Variants in SOX6 observed in about 807,000 individuals in gnomAD.
The protein encoded by SOX6 is transcription factor SOX-6.
SOX6 carries 11 observed loss-of-function variants against 97.8 expected under a neutral mutation model. The ratio of observed to expected loss-of-function variants is 0.11; its 90% confidence interval spans 0.07 to 0.19. The LOEUF is 0.19. Ranked by LOEUF, SOX6 falls within the 10% of genes least tolerant of loss-of-function variation. The pLI is 1.00. For missense variants in SOX6, 810 were observed against 1,039.5 expected (o/e 0.78, Z 3.04); for synonymous variants, 360 against 371.4 (o/e 0.97, Z 0.35).
At chr11:16,351,072 C>T (rs1856935782) in intron 1 of SOX6, among the ~76,000 whole-genome samples, 1 of 152,128 alleles carries the variant, frequency 6.6e-6, no homozygotes, top group Admixed American at 6.6e-5. Flanking sequence ...ATCCCCAACA[C>T]TAAACTCTCT....
chr11:16,027,810 G>T (rs1343442235), intron 12 of SOX6, among the ~76,000 whole-genome samples: 2 of 152,230 alleles, frequency 1.3e-5, no homozygotes, highest in East Asian at 3.8e-4. Context: ...GATTTAATTA[G>T]AAGAGAACTG....
chr11:16,688,599 A>G (rs1374129550), intron 3 of SOX6, among the ~76,000 whole-genome samples: 1 of 152,118 alleles, frequency 6.6e-6, no homozygotes, highest in Non-Finnish European at 1.5e-5. Context: ...TGTAGTTTTC[A>G]TCTCTAACGG....
At chr11:16,008,659 T>C (rs1854626778) in intron 13 of SOX6, among the ~76,000 whole-genome samples, 1 of 152,134 alleles carries the variant, frequency 6.6e-6, no homozygotes, top group Non-Finnish European at 1.5e-5. Flanking sequence ...AATTGTTTTC[T>C]ACCAACATTA....
intron 4 of SOX6, among the ~76,000 whole-genome samples, chr11:16,591,428 A>T (rs1387067458): frequency 6.6e-6 from 1 of 152,218 alleles, no homozygotes; most frequent in East Asian, 1.9e-4. Flanking sequence ...AATCAAACTA[A>T]CTTAATCTGG....
At chr11:16,210,879 C>T (rs547227074) in intron 4 of SOX6, among the ~76,000 whole-genome samples, 3 of 152,202 alleles carry the variant, frequency 2.0e-5, no homozygotes, top group East Asian at 1.9e-4. Context: ...AGATAGTAAA[C>T]GCTGTAGAAG....
intron 3 of SOX6, among the ~76,000 whole-genome samples, chr11:16,633,278 T>A (rs1428810081): frequency 6.6e-6 from 1 of 152,234 alleles, no homozygotes; most frequent in African/African-American, 2.4e-5. Context: ...TTTTACTTCC[T>A]GGAACTAACT....
At chr11:16,270,587 A>G (rs1854222205) in intron 3 of SOX6, among the ~76,000 whole-genome samples, 1 of 151,262 alleles carries the variant, frequency 6.6e-6, no homozygotes, top group Non-Finnish European at 1.5e-5. Flanking sequence ...GCCATAATGT[A>G]AAAACAAACC....
At chr11:16,352,856 A>T (rs766684733) in intron 1 of SOX6, among the ~76,000 whole-genome samples, 4 of 152,048 alleles carry the variant, frequency 2.6e-5, no homozygotes, top group Non-Finnish European at 4.4e-5. Flanking sequence ...AGAGCAGGTA[A>T]TTCTCTAACC....
intron 3 of SOX6, among the ~76,000 whole-genome samples, chr11:16,285,016 A>G (rs1264449425): frequency 2.0e-5 from 3 of 152,168 alleles, no homozygotes; most frequent in African/African-American, 7.2e-5. Context: ...TAGATTATAA[A>G]TTATAATTTT....
At chr11:16,443,876 G>T (rs900369880) in intron 1 of SOX6, among the ~76,000 whole-genome samples, 1 of 151,898 alleles carries the variant, frequency 6.6e-6, no homozygotes, top group East Asian at 1.9e-4. Context: ...AGCTTGGCGC[G>T]GTAGTGGGCA....
intron 1 of SOX6, among the ~76,000 whole-genome samples, chr11:16,440,205 C>A (rs750871809): frequency 6.6e-6 from 1 of 152,154 alleles, no homozygotes; most frequent in Non-Finnish European, 1.5e-5. Context: ...GCTTTGAACA[C>A]CAGCCATTTG....
upstream of SOX6, among the ~76,000 whole-genome samples, chr11:16,361,144 C>T (rs1332208343): frequency 6.6e-6 from 1 of 152,088 alleles, no homozygotes; most frequent in Non-Finnish European, 1.5e-5. Flanking sequence ...CTTCTTTTTA[C>T]AGAGTAAACT....
rs570740079 is a variant in SOX6 at position 15,999,194 on chromosome 11, A to G, written c.1733-9964T>C. On this transcript the variant is annotated intron_variant, in intron 13 of 15. Coordinates refer to ENST00000683767, the MANE Select transcript of SOX6 (RefSeq NM_001367873.1). ...CAGGAAAATGCAAATTGAAACCACA[A>G]TGAGATGCATTTCACTGGAATGGCT... 3.3e-5 allele frequency among the ~76,000 whole-genome samples: 5 copies of G among 152,238 alleles called. No individual in the cohort carries two copies. In the South Asian group the frequency reaches 8.3e-4, roughly 25 times the overall value.
chr11:16,327,720 G>A (rs1856145843), intron 2 of SOX6, among the ~76,000 whole-genome samples: 1 of 152,086 alleles, frequency 6.6e-6, no homozygotes, highest in African/African-American at 2.4e-5. Flanking sequence ...AGAACAGTGG[G>A]CTGGGGTTGC....
intron 4 of SOX6, among the ~76,000 whole-genome samples, chr11:16,485,818 C>T (rs1860417919): frequency 6.7e-6 from 1 of 148,318 alleles, no homozygotes; most frequent in African/African-American, 2.5e-5. Context: ...CACTTGAGCA[C>T]AGGAGGTTGG....
intron 4 of SOX6, among the ~76,000 whole-genome samples, chr11:16,501,063 C>T (rs553898352): frequency 2.1e-3 from 314 of 152,120 alleles, no homozygotes; most frequent in African/African-American, 3.5e-3. Context: ...CAAACTATAC[C>T]ACAAGGCTAC....
rs117616353 is a variant in SOX6 at position 16,543,316 on chromosome 11, C to G, written n.610-66928G>C. ...TTTGTCCAAACTTTAACGGTAATAT[C>G]ACTTTTAGAATTTTACAATATCAAT... On this transcript the variant is annotated intron_variant and non_coding_transcript_variant, in intron 4 of 5. Coordinates refer to the SOX6 transcript ENST00000524520. Among the ~76,000 whole-genome samples, 1,115 of 151,982 alleles carry G rather than the reference C, an allele frequency of 7.3e-3. 9 individuals are homozygous for G. The highest frequency in any genetic ancestry group is 0.015 in the Admixed American group (224 of 15,232).
At chr11:16,027,203 T>C (rs909188312) in intron 12 of SOX6, among the ~76,000 whole-genome samples, 3 of 152,206 alleles carry the variant, frequency 2.0e-5, no homozygotes, top group Non-Finnish European at 4.4e-5. Context: ...TCTCTGATAA[T>C]GTCACAGCAT....
intron 4 of SOX6, among the ~76,000 whole-genome samples, chr11:16,589,947 A>G (rs371777750): frequency 6.6e-6 from 1 of 152,210 alleles, no homozygotes; most frequent in East Asian, 1.9e-4. Context: ...TAAAAAAGCT[A>G]CATGCTATCA....
Sources: allele counts gnomAD v4.1 joint callset (sites outside exome capture counted in the v4.1 genomes callset), GRCh38; gene constraint gnomAD v4.1.1; transcripts MANE v1.5; gene names NCBI Gene and HGNC (gene_info 2026-07-23, HGNC 2026-07-21).